Variants in ZFC3H1 observed in about 807,000 individuals in gnomAD.
ZFC3H1 encodes zinc finger C3H1-type containing, also known as zinc finger C3H1 domain-containing protein.
In ZFC3H1, 71 loss-of-function variants were observed where a neutral mutation model predicts 243.7. That is an observed-to-expected ratio of 0.29 (90% CI 0.24 to 0.36). The LOEUF (loss-of-function observed/expected upper bound fraction) is 0.36, where lower values mean the gene tolerates loss of function less well. Among genes scored for constraint, ZFC3H1 ranks in the 10% least tolerant of loss-of-function variants. The pLI is 1.00. For missense variants in ZFC3H1, 1,966 were observed against 2,317.1 expected (o/e 0.85, Z 3.11); for synonymous variants, 838 against 813.0 (o/e 1.03, Z -0.52).
intron 22 of ZFC3H1, among the ~76,000 whole-genome samples, chr12:71,625,790 A>G (rs1351144650): frequency 1.3e-5 from 2 of 152,224 alleles, no homozygotes; most frequent in African/African-American, 4.8e-5. Flanking sequence ...TTTAGATATT[A>G]GTGTGAATTA....
chr12:71,663,014 G>C lies in ZFC3H1; in HGVS notation c.597C>G (p.Ser199Arg). Residue 199 changes from serine (S) to arginine (R), a missense_variant and splice_region_variant, in exon 1 of 35, where the codon AGC becomes AGG. Transcript: ENST00000378743. ...CGCCGACCGCCACGTTAAGGATACAGCTCTTCCGAGGTGGAGAGGGCTCTC... is the reference window on the plus strand; with the variant it reads ...CGCCGACCGCCACGTTAAGGATACACCTCTTCCGAGGTGGAGAGGGCTCTC... ...SWREPSPPRK[S>R]SKSFGRSPSR... The C allele has an allele frequency of 6.3e-7, 1 of 1,599,084 alleles. No individual in the cohort carries two copies. Among genetic ancestry groups the C allele is most frequent in the South Asian group, 1.1e-5 (1 of 90,598 alleles).
Position 71,633,315 on chromosome 12 carries a change from A to G in ZFC3H1, c.2634T>C (p.Thr878=). ...ITKLTEQLQA[T]EKILNVNRMF... ...TTCTGTTAACATTAAGAATTTTTTC[A>G]GTTGCTTGAAGCTGTTCTGTAAGTT... The change falls in exon 13 of 35, where the codon ACT becomes ACC. Residue 878 remains threonine (T), a synonymous_variant. Transcript: ENST00000378743. 1 of 1,593,630 alleles carries G rather than the reference A, an allele frequency of 6.3e-7. No individual in the cohort carries two copies. Among genetic ancestry groups the G allele is most frequent in the Admixed American group, 1.8e-5 (1 of 54,994 alleles).
intron 12 of ZFC3H1, 43 bp downstream of exon 12, chr12:71,634,112 C>G (rs1438152409): frequency 1.3e-6 from 2 of 1,570,142 alleles, no homozygotes; most frequent in African/African-American, 2.7e-5. Flanking sequence ...ATGTATTTCT[C>G]TACCACAGGA....
intron 27 of ZFC3H1, among the ~76,000 whole-genome samples, chr12:71,617,990 C>T (rs1266436341): frequency 1.3e-5 from 2 of 152,108 alleles, no homozygotes; most frequent in Non-Finnish European, 2.9e-5. Flanking sequence ...GTGGACCGGG[C>T]GCAGTGGCTC....
Position 71,631,797 on chromosome 12 carries a change from G to C in ZFC3H1, c.3451C>G (p.Leu1151Val). ...TTATACCTGTAGGACTTAAAAACTAGAAGAGGACTATGGTAGGGTCTAAAA... is the reference window on the plus strand; with the variant it reads ...TTATACCTGTAGGACTTAAAAACTACAAGAGGACTATGGTAGGGTCTAAAA... Reference protein sequence around the residue: ...CPFRPYHSPLLVFKSYRFSPY... With the variant: ...CPFRPYHSPLVVFKSYRFSPY... The change falls in exon 16 of 35, where the codon CTA (leucine) becomes GTA (valine). Residue 1151 changes from leucine (L) to valine (V), a missense_variant. Around this residue, in one of 4 missense-constraint regions of ZFC3H1, gnomAD observed 1,383 missense variants for 1,723.7 expected, o/e 0.80. Coordinates refer to ENST00000378743, the MANE Select transcript of ZFC3H1 (RefSeq NM_144982.5). The C allele has an allele frequency of 1.2e-6, 2 of 1,609,714 alleles. No homozygotes were observed. The highest frequency in any genetic ancestry group is 1.7e-6 in the Non-Finnish European group (2 of 1,178,654).
In ZFC3H1 at chr12:71,619,917, C is replaced by A; in HGVS notation, c.5049+9G>T. The stretch of plus-strand genomic sequence containing the variant: ...AGCATCATATTTAAGAATTATGCAT[C>A]ATTTTTACCTGTAAGATGAAGAATT... On this transcript the variant is annotated intron_variant, in intron 26 of 34. Transcript: ENST00000378743. The A allele has an allele frequency of 6.4e-7, 1 of 1,570,148 alleles. No individual in the cohort carries two copies. Among genetic ancestry groups the A allele is most frequent in the South Asian group, 1.2e-5 (1 of 85,284 alleles).
intron 16 of ZFC3H1, among the ~76,000 whole-genome samples, chr12:71,631,430 C>G (rs1407404169): frequency 6.6e-6 from 1 of 152,026 alleles, no homozygotes; most frequent in Non-Finnish European, 1.5e-5. Context: ...TGAAGGCTGG[C>G]CAATGCACTT....
At chr12:71,615,142 A>G (rs1879863328) in intron 28 of ZFC3H1, 64 bp downstream of exon 28, 1 of 1,324,092 alleles carries the variant, frequency 7.6e-7, no homozygotes, top group African/African-American at 1.5e-5. Flanking sequence ...AACACAGTGT[A>G]ATTCAGTAAT....
In ZFC3H1 at chr12:71,632,987, T is replaced by C; in HGVS notation, c.2716A>G (p.Lys906Glu). The change falls in exon 14 of 35, where the codon AAG becomes GAG. Residue 906 changes from lysine (K) to glutamate (E), a missense_variant. Lys to Glu is a moderately conservative substitution (Grantham distance 56). This residue lies in a region of ZFC3H1 where 1,383 missense variants were observed against 1,723.7 expected (regional missense o/e 0.80). Transcript: ENST00000378743. ...CCATATTTTAGAGTCAAAGCTTTCT[T>C]AATTGTAACACGCTGTTGAACTCTG... ...IHRVQQRVTI[K>E]KALTLKYGEE... 1 of 1,612,682 alleles carries C rather than the reference T, an allele frequency of 6.2e-7. No individual in the cohort carries two copies. Among genetic ancestry groups the C allele is most frequent in the South Asian group, 1.1e-5 (1 of 90,688 alleles).
At chr12:71,662,870 C>CA in intron 1 of ZFC3H1, 143 bp downstream of exon 1, 1 of 877,488 alleles carries the variant, frequency 1.1e-6, no homozygotes, top group East Asian at 2.4e-5. Context: ...GGGGAATTAC[C>CA]AAAGAACAAC....
chr12:71,613,230 C>A (rs1879815341), intron 31 of ZFC3H1, 105 bp downstream of exon 31: 1 of 719,478 alleles, frequency 1.4e-6, no homozygotes, highest in Non-Finnish European at 2.2e-6. Context: ...TTCATGAGGA[C>A]ATAGTGGAAC....
rs79485993 is a variant in ZFC3H1, at chr12:71,630,247, A to G, written c.3724+353T>C. ...AATAGGCTCCTATGTTAAAATCAAT[A>G]GTAAAGTTTCTATACAAATAGCTTA... On this transcript the variant is annotated intron_variant, in intron 18 of 34. Transcript: ENST00000378743. Among the ~76,000 whole-genome samples the G allele has an allele frequency of 6.4e-3, 971 of 152,332 alleles. 13 individuals are homozygous for G. Among genetic ancestry groups the G allele is most frequent in the African/African-American group, 0.022 (896 of 41,572 alleles).
chr12:71,641,420 T>C (rs1370481024), intron 6 of ZFC3H1, among the ~76,000 whole-genome samples: 4 of 152,226 alleles, frequency 2.6e-5, no homozygotes, highest in Non-Finnish European at 5.9e-5. Context: ...TCTCACTATG[T>C]GACTATAGGG....
In ZFC3H1 at chr12:71,654,828, G is replaced by A. The variant is rs190377397; in HGVS notation, c.1015+2057C>T. ...TCTATACTATGTACAAGTAATATCC[G>A]AGACATGAGGATACAGAAAGACTGA... On this transcript the variant is annotated intron_variant, in intron 2 of 34. Coordinates refer to ENST00000378743, the MANE Select transcript of ZFC3H1 (RefSeq NM_144982.5). Among the ~76,000 whole-genome samples the A allele has an allele frequency of 5.5e-4, 84 of 152,200 alleles. 1 individual carries two copies. In the South Asian group the frequency reaches 7.7e-3, roughly 14 times the overall value.
chr12:71,633,300 A>G lies in ZFC3H1; in HGVS notation c.2649T>C (p.Asn883=). 6.3e-7 allele frequency: 1 copy of G among 1,594,646 alleles called. No individual in the cohort carries two copies. The highest frequency in any genetic ancestry group is 1.4e-5 in the African/African-American group (1 of 73,846). ...GCTTCTTCAAAAACATTCTGTTAAC[A>G]TTAAGAATTTTTTCAGTTGCTTGAA... ...EQLQATEKIL[N]VNRMFLKKLQ... The change falls in exon 13 of 35, where the codon AAT becomes AAC. Residue 883 remains asparagine, a synonymous_variant. Transcript: ENST00000378743.
intron 20 of ZFC3H1, among the ~76,000 whole-genome samples, 191 bp downstream of exon 20, chr12:71,628,727 T>C (rs1353684345): frequency 6.6e-6 from 1 of 152,184 alleles, no homozygotes; most frequent in East Asian, 1.9e-4. Flanking sequence ...TGAACACAAA[T>C]ATCCCGCAAT....
Position 71,644,314 on chromosome 12 carries a change from T to A in ZFC3H1, c.1284A>T (p.Lys428Asn). 1 of 1,611,630 alleles carries A rather than the reference T, an allele frequency of 6.2e-7. No homozygotes were observed. Among genetic ancestry groups the A allele is most frequent in the Middle Eastern group, 1.7e-4 (1 of 6,056 alleles). Residue 428 changes from lysine to asparagine, a missense_variant, in exon 5 of 35, where the codon AAA becomes AAT. Around this residue, in one of 4 missense-constraint regions of ZFC3H1, gnomAD observed 91 missense variants for 107.6 expected, o/e 0.85. Coordinates refer to ENST00000378743, the MANE Select transcript of ZFC3H1 (RefSeq NM_144982.5). The part of the protein sequence containing the change: ...HSAKKVSTTA[K>N]QALRKQQTKA... The stretch of plus-strand genomic sequence containing the variant: ...TTGTTTGCTGCTTCCTCAATGCTTG[T>A]TTAGCTTTAAATAAAAAACACATAA...
At chr12:71,629,065 T>C in intron 19 of ZFC3H1, 28 bp from the exon 20 acceptor site, 1 of 1,554,276 alleles carries the variant, frequency 6.4e-7, no homozygotes, top group Non-Finnish European at 8.7e-7. Context: ...AGATTGTTAA[T>C]TGATATAACT....
chr12:71,627,872 C>A lies in ZFC3H1; in HGVS notation c.4009G>T (p.Val1337Phe). 6.2e-7 allele frequency: 1 copy of A among 1,613,742 alleles called. No homozygotes were observed. The highest frequency in any genetic ancestry group is 8.5e-7 in the Non-Finnish European group (1 of 1,179,870). Reference sequence around the variant, plus strand: ...TCAGTCTCATTTGTAAAGTATCTGACATCATCTGGAGTGACAACTGTATCC... The same window carrying A: ...TCAGTCTCATTTGTAAAGTATCTGAAATCATCTGGAGTGACAACTGTATCC... Reference protein sequence around the residue: ...ALDTVVTPDDVRYFTNETDDI... With the variant: ...ALDTVVTPDDFRYFTNETDDI... Residue 1337 changes from valine (V) to phenylalanine (F), a missense_variant, in exon 21 of 35, where the codon GTC becomes TTC. Physicochemically the swap from Val to Phe is conservative, Grantham distance 50 (BLOSUM62 -1). Around this residue, in one of 4 missense-constraint regions of ZFC3H1, gnomAD observed 1,383 missense variants for 1,723.7 expected, o/e 0.80. Transcript: ENST00000378743.
Sources: allele counts gnomAD v4.1 joint callset (sites outside exome capture counted in the v4.1 genomes callset), GRCh38; gene constraint gnomAD v4.1.1; regional missense constraint gnomAD v4.1.1; transcripts MANE v1.5; gene names NCBI Gene and HGNC (gene_info 2026-07-23, HGNC 2026-07-21).